The following STXBP5L variants were observed in gnomAD, a reference collection of about 807,000 sequenced individuals.
STXBP5L encodes syntaxin binding protein 5L.
STXBP5L carries 65 observed loss-of-function variants against 144.5 expected under a neutral mutation model. That is an observed-to-expected ratio of 0.45 (90% CI 0.37 to 0.55). The LOEUF is 0.55. STXBP5L is among the 20% of genes least tolerant of loss of function. The probability of loss-of-function intolerance (pLI) is 0.00; values close to 1 mark genes in which losing one functional copy is unlikely to be tolerated. For synonymous variants in STXBP5L, 505 were observed against 469.6 expected (o/e 1.08, Z -0.97); for missense variants, 1,298 against 1,405.5 (o/e 0.92, Z 1.22).
At chr3:121,315,096 A>T (rs2043734633) in intron 19 of STXBP5L, among the ~76,000 whole-genome samples, 1 of 152,152 alleles carries the variant, frequency 6.6e-6, no homozygotes, top group Non-Finnish European at 1.5e-5. Flanking sequence ...AGGGATCTAG[A>T]ACTAGAAATA....
At chr3:121,237,195 C>T (rs1022351274) in intron 12 of STXBP5L, among the ~76,000 whole-genome samples, 26 of 152,316 alleles carry the variant, frequency 1.7e-4, no homozygotes, top group African/African-American at 6.0e-4. Flanking sequence ...TTTGATATAT[C>T]CTCTGATATC....
At chr3:121,098,750 G>A (rs1432170126) in intron 5 of STXBP5L, among the ~76,000 whole-genome samples, 1 of 152,120 alleles carries the variant, frequency 6.6e-6, no homozygotes, top group Non-Finnish European at 1.5e-5. Context: ...CTCCTGATGT[G>A]GCCAGGTTCA....
chr3:121,134,608 A>G (rs2045157345), intron 7 of STXBP5L, among the ~76,000 whole-genome samples: 1 of 150,182 alleles, frequency 6.7e-6, no homozygotes, highest in Admixed American at 6.6e-5. Context: ...TCCTGTGTCC[A>G]AGTGTTCTCA....
At chr3:121,313,823 GCTCCT>G (rs2108519415) in intron 19 of STXBP5L, among the ~76,000 whole-genome samples, 1 of 144,172 alleles carries the variant, frequency 6.9e-6, no homozygotes, top group East Asian at 2.2e-4. Context: ...GGACGGAGGG[GCTCCT>G]CACTTCTCAG....
chr3:121,353,866 G>A (rs1303080994), intron 20 of STXBP5L, among the ~76,000 whole-genome samples: 1 of 152,178 alleles, frequency 6.6e-6, no homozygotes, highest in Non-Finnish European at 1.5e-5. Flanking sequence ...GTGTCCCAGA[G>A]ATTCTGGTAC....
At chr3:121,283,929 A>G (rs1024065964) in intron 19 of STXBP5L, among the ~76,000 whole-genome samples, 1 of 147,882 alleles carries the variant, frequency 6.8e-6, no homozygotes, top group Non-Finnish European at 1.5e-5. Context: ...GTGTGTGTGT[A>G]GACAGAAAAG....
At chr3:121,209,671 G>A (rs562334545) in intron 10 of STXBP5L, among the ~76,000 whole-genome samples, 1 of 151,956 alleles carries the variant, frequency 6.6e-6, no homozygotes, top group African/African-American at 2.4e-5. Context: ...CTATGAATGA[G>A]AACATGCAGT....
chr3:121,203,693 T>G (rs1269084313), intron 9 of STXBP5L, among the ~76,000 whole-genome samples: 1 of 152,176 alleles, frequency 6.6e-6, no homozygotes, highest in Admixed American at 6.5e-5. Flanking sequence ...TATATAATTA[T>G]TCTTTCCCAC....
intron 7 of STXBP5L, among the ~76,000 whole-genome samples, chr3:121,135,436 T>A (rs544947912): frequency 6.6e-6 from 1 of 152,250 alleles, no homozygotes; most frequent in African/African-American, 2.4e-5. Context: ...CAAGTCACCA[T>A]AATGTAGAAT....
intron 2 of STXBP5L, among the ~76,000 whole-genome samples, chr3:120,911,498 G>A (rs488416): frequency 0.23 from 35,381 of 151,958 alleles, 4,255 homozygotes; most frequent in Non-Finnish European, 0.26. Context: ...TGCAGTGTAG[G>A]AATAAGTGTA....
At chr3:121,096,708 C>T (rs1184473663) in intron 5 of STXBP5L, among the ~76,000 whole-genome samples, 1 of 151,838 alleles carries the variant, frequency 6.6e-6, no homozygotes. Flanking sequence ...CCTGTTTTTT[C>T]CTCTGGAATC....
rs201669059 is a variant in STXBP5L at position 121,011,763 on chromosome 3, C to CT, written c.288-29928dup. 7.3e-3 allele frequency among the ~76,000 whole-genome samples: 1,101 copies of CT among 150,538 alleles called. 6 individuals carry two copies. The highest frequency in any genetic ancestry group is 0.013 in the South Asian group (63 of 4,782). ...GACACTTATAATGAATTTGTTATATCTTTTTTTTTGTTTTGTTGTTAAACT... is the reference window on the plus strand; with the variant it reads ...GACACTTATAATGAATTTGTTATATCTTTTTTTTTTGTTTTGTTGTTAAACT... On this transcript the variant is annotated intron_variant, in intron 3 of 26. Transcript: ENST00000471454.
chr3:121,083,856 C>T (rs1391828101), intron 5 of STXBP5L, among the ~76,000 whole-genome samples: 1 of 152,008 alleles, frequency 6.6e-6, no homozygotes, highest in Non-Finnish European at 1.5e-5. Context: ...GGAATTTTTT[C>T]ATTTCATCTA....
At chr3:121,384,811 G>A (rs1357874815) in intron 22 of STXBP5L, among the ~76,000 whole-genome samples, 1 of 151,748 alleles carries the variant, frequency 6.6e-6, no homozygotes, top group Non-Finnish European at 1.5e-5. Context: ...TCTGCCACTA[G>A]CAAACTTTGT....
intron 3 of STXBP5L, among the ~76,000 whole-genome samples, chr3:121,018,502 A>C (rs1426427578): frequency 1.3e-5 from 2 of 149,436 alleles, no homozygotes; most frequent in Non-Finnish European, 3.0e-5. Context: ...GTGATGCTGG[A>C]ACAACTGGAC....
intron 9 of STXBP5L, among the ~76,000 whole-genome samples, chr3:121,204,228 G>A (rs1227341813): frequency 6.6e-6 from 1 of 151,894 alleles, no homozygotes; most frequent in African/African-American, 2.4e-5. Flanking sequence ...GACAGAGCGA[G>A]ACTCTGTCTC....
intron 20 of STXBP5L, chr3:121,324,508 C>T (rs543912112): frequency 1.1e-5 from 8 of 697,848 alleles, no homozygotes; most frequent in Non-Finnish European, 2.1e-5. Flanking sequence ...GCTACCAGAA[C>T]CCCTGAGTCA....
intron 20 of STXBP5L, among the ~76,000 whole-genome samples, chr3:121,370,460 C>G (rs1184544229): frequency 1.3e-5 from 2 of 152,184 alleles, no homozygotes; most frequent in African/African-American, 2.4e-5. Flanking sequence ...TTTCCTGAGG[C>G]CTCCTCAGAA....
At chr3:121,024,247 A>G (rs762193833) in intron 3 of STXBP5L, among the ~76,000 whole-genome samples, 1 of 152,190 alleles carries the variant, frequency 6.6e-6, no homozygotes, top group African/African-American at 2.4e-5. Context: ...TAATTTAAAC[A>G]TTGGTAAAAT....
Sources: allele counts gnomAD v4.1 joint callset (sites outside exome capture counted in the v4.1 genomes callset), GRCh38; gene constraint gnomAD v4.1.1; transcripts MANE v1.5; gene names NCBI Gene and HGNC (gene_info 2026-07-23, HGNC 2026-07-21).